Variants in SLIT2 observed in about 807,000 individuals in gnomAD.
SLIT2 encodes the protein slit guidance ligand 2, also known as slit homolog 2 protein.
Under a neutral mutation model 185.7 loss-of-function variants are expected in SLIT2, and 41 were observed. The ratio of observed to expected loss-of-function variants is 0.22; its 90% confidence interval spans 0.17 to 0.29. The LOEUF is 0.29. SLIT2 is among the 10% of genes least tolerant of loss of function. The pLI is 1.00. For missense variants in SLIT2, 1,571 were observed against 1,909.0 expected (o/e 0.82, Z 3.30); for synonymous variants, 693 against 680.2 (o/e 1.02, Z -0.29).
chr4:20,304,475 C>T (rs1717350059), intron 4 of SLIT2, among the ~76,000 whole-genome samples: 1 of 152,070 alleles, frequency 6.6e-6, no homozygotes. Context: ...TTGTGTAGTG[C>T]CTTTCCTTGA....
chr4:20,446,781 C>T (rs1248347046), intron 4 of SLIT2, among the ~76,000 whole-genome samples: 1 of 152,152 alleles, frequency 6.6e-6, no homozygotes, highest in Non-Finnish European at 1.5e-5. Context: ...TAACTATTAA[C>T]TCTATGTACA....
At chr4:20,409,230 G>T (rs946152620) in intron 4 of SLIT2, among the ~76,000 whole-genome samples, 1 of 151,934 alleles carries the variant, frequency 6.6e-6, no homozygotes, top group East Asian at 1.9e-4. Flanking sequence ...CTCACTTCTC[G>T]CCCTACAACA....
At chr4:20,472,618 ATC>A (rs1345754388) in intron 5 of SLIT2, among the ~76,000 whole-genome samples, 1 of 102,582 alleles carries the variant, frequency 9.7e-6, no homozygotes, top group African/African-American at 4.0e-5. Context: ...ATCTATATAT[ATC>A]GATATATCTA....
intron 4 of SLIT2, among the ~76,000 whole-genome samples, chr4:20,427,352 G>A (rs1160345734): frequency 6.6e-6 from 1 of 152,104 alleles, no homozygotes; most frequent in East Asian, 1.9e-4. Flanking sequence ...ATGTCCTGTA[G>A]CCTGTTAGAA....
intron 4 of SLIT2, among the ~76,000 whole-genome samples, chr4:20,294,951 A>G (rs966686077): frequency 6.6e-6 from 1 of 152,238 alleles, no homozygotes; most frequent in African/African-American, 2.4e-5. Context: ...AGAAAGAGAT[A>G]AAACAAAGGT....
At chr4:20,589,098 T>C (rs1443790573) in intron 29 of SLIT2, among the ~76,000 whole-genome samples, 8 of 152,146 alleles carry the variant, frequency 5.3e-5, no homozygotes, top group Non-Finnish European at 1.2e-4. Context: ...AAAGGGTACA[T>C]ATGGAATGAT....
intron 34 of SLIT2, among the ~76,000 whole-genome samples, chr4:20,614,410 GTTGA>G (rs1257062198): frequency 2.6e-5 from 4 of 152,080 alleles, no homozygotes; most frequent in South Asian, 4.2e-4. Flanking sequence ...TTATCTGTTG[GTTGA>G]TTGATTGATT....
intron 4 of SLIT2, among the ~76,000 whole-genome samples, chr4:20,436,434 C>G (rs150782005): frequency 2.6e-5 from 4 of 152,172 alleles, no homozygotes; most frequent in African/African-American, 9.7e-5. Context: ...TCCGGAATTT[C>G]CTAGATTTGA....
chr4:20,370,446 C>G (rs1449716829), intron 4 of SLIT2, among the ~76,000 whole-genome samples: 1 of 152,054 alleles, frequency 6.6e-6, no homozygotes, highest in African/African-American at 2.4e-5. Flanking sequence ...AATAAATGCT[C>G]TTCTATGCAC....
intron 29 of SLIT2, among the ~76,000 whole-genome samples, chr4:20,570,311 A>G (rs569028658): frequency 1.3e-5 from 2 of 152,162 alleles, no homozygotes; most frequent in South Asian, 4.1e-4. Flanking sequence ...GATATTTTAC[A>G]TAAACAAAGA....
At chr4:20,519,034 C>G (rs1294294489) in intron 11 of SLIT2, among the ~76,000 whole-genome samples, 2 of 152,128 alleles carry the variant, frequency 1.3e-5, no homozygotes, top group Admixed American at 6.5e-5. Context: ...TAGCATTCTT[C>G]TTTGTCATAT....
chr4:20,401,587 TC>T (rs1726364912), intron 4 of SLIT2, among the ~76,000 whole-genome samples: 1 of 151,924 alleles, frequency 6.6e-6, no homozygotes, highest in South Asian at 2.1e-4. Context: ...TTCACTTACC[TC>T]TGTGAGCAGT....
At chr4:20,428,591 C>T (rs1166336594) in intron 4 of SLIT2, among the ~76,000 whole-genome samples, 3 of 152,148 alleles carry the variant, frequency 2.0e-5, no homozygotes, top group South Asian at 4.1e-4. Flanking sequence ...ATAATTTGGA[C>T]TCAAAAGACC....
At position 20,532,079 on chromosome 4, in the gene SLIT2, T is replaced by TTG. The variant is rs775558582; in HGVS notation, c.1688+22_1688+23insGT. 76 of 1,412,528 alleles carry TTG rather than the reference T, an allele frequency of 5.4e-5. No homozygotes were observed. The East Asian group carries it at 1.6e-3, about 30-fold the overall frequency. The allele number at this position is 1,412,528 out of a possible 1,614,324, so 87.5% of individuals were successfully genotyped here. Reference sequence around the variant, plus strand: ...AAAATGTAAGTCACTTGTTAGCTATTTTTTTTATTTCTGTAGCATTTTTTG... The same window carrying TTG: ...AAAATGTAAGTCACTTGTTAGCTATTTGTTTTTTATTTCTGTAGCATTTTTTG... On this transcript the variant is annotated intron_variant, in intron 17 of 36. Coordinates refer to ENST00000504154, the MANE Select transcript of SLIT2 (RefSeq NM_004787.4).
chr4:20,469,831 C>T (rs1049185444), intron 5 of SLIT2, among the ~76,000 whole-genome samples: 1 of 143,668 alleles, frequency 7.0e-6, no homozygotes, highest in African/African-American at 2.6e-5. Context: ...TCTCAGCTCA[C>T]TGCAACCTCC....
At chr4:20,302,215 C>T (rs1184583364) in intron 4 of SLIT2, among the ~76,000 whole-genome samples, 1 of 152,106 alleles carries the variant, frequency 6.6e-6, no homozygotes, top group Non-Finnish European at 1.5e-5. Flanking sequence ...ATTTGTATTT[C>T]TTTCAATTTA....
At chr4:20,550,182 G>A (rs73252485) in intron 24 of SLIT2, among the ~76,000 whole-genome samples, 201 of 152,006 alleles carry the variant, frequency 1.3e-3, no homozygotes, top group Admixed American at 5.4e-3. Flanking sequence ...GTTATTCTGC[G>A]TTCCTGTCTT....
intron 33 of SLIT2, among the ~76,000 whole-genome samples, chr4:20,604,524 T>A (rs1038425988): frequency 3.3e-5 from 5 of 151,950 alleles, no homozygotes; most frequent in African/African-American, 1.2e-4. Context: ...TTTTTTTGTA[T>A]TTTTAATAGA....
chr4:20,468,184 C>T (rs1714566650), intron 5 of SLIT2, among the ~76,000 whole-genome samples: 1 of 152,016 alleles, frequency 6.6e-6, no homozygotes, highest in Admixed American at 6.5e-5. Flanking sequence ...AGAAACAAAA[C>T]TGTTAGTTTT....
Sources: gnomAD v4.1 joint callset for allele counts (sites outside exome capture counted in the v4.1 genomes callset) on GRCh38, gnomAD v4.1.1 for gene constraint, MANE v1.5 for transcripts, NCBI Gene and HGNC (gene_info 2026-07-23, HGNC 2026-07-21) for gene names.